Variants in SNX4 observed in about 807,000 individuals in gnomAD.
SNX4 encodes the protein sorting nexin-4.
In SNX4, 49 loss-of-function variants were observed where a neutral mutation model predicts 70.8. The ratio of observed to expected loss-of-function variants is 0.69; its 90% CI spans 0.55 to 0.88. The LOEUF (loss-of-function observed/expected upper bound fraction) is 0.88, where lower values mean the gene tolerates loss of function less well. Ranked by LOEUF, SNX4 falls within the 40% of genes least tolerant of loss-of-function variation. The pLI is 0.00. For missense variants in SNX4, 528 were observed against 544.8 expected (o/e 0.97, Z 0.31); for synonymous variants, 206 against 183.8 (o/e 1.12, Z -0.98).
intron 9 of SNX4, 103 bp from the exon 10 acceptor site, chr3:125,460,963 C>T (rs1020975378): frequency 3.4e-5 from 16 of 466,226 alleles, no homozygotes; most frequent in Non-Finnish European, 5.6e-5. Context: ...CAGTGGCTCA[C>T]ACCTGTAATC....
At chr3:125,461,251 C>CA (rs1329306508) in intron 9 of SNX4, among the ~76,000 whole-genome samples, 4 of 151,978 alleles carry the variant, frequency 2.6e-5, no homozygotes, top group Non-Finnish European at 5.9e-5. Context: ...AACAAACAAA[C>CA]AAAAAACAGC....
intron 6 of SNX4, among the ~76,000 whole-genome samples, chr3:125,484,132 G>A (rs1052067054): frequency 2.6e-5 from 4 of 152,208 alleles, no homozygotes; most frequent in Admixed American, 2.6e-4. Flanking sequence ...TGCAGACTCT[G>A]ATAAGACTCT....
At chr3:125,507,191 G>GAAAAAAAAAAAAAAAAAAA (rs753584700) in intron 1 of SNX4, among the ~76,000 whole-genome samples, 3 of 90,802 alleles carry the variant, frequency 3.3e-5, no homozygotes, top group Admixed American at 1.2e-4. Flanking sequence ...CTGGGTGATA[G>GAAAAAAAAAAAAAAAAAAA]AAAAAAAAAA....
chr3:125,461,421 T>C (rs1450414534), intron 9 of SNX4, among the ~76,000 whole-genome samples: 2 of 152,072 alleles, frequency 1.3e-5, no homozygotes, highest in African/African-American at 4.8e-5. Context: ...GACTTAGAAA[T>C]AAACAAACAA....
intron 6 of SNX4, among the ~76,000 whole-genome samples, chr3:125,480,860 T>A (rs72977749): frequency 6.6e-6 from 1 of 152,088 alleles, no homozygotes; most frequent in Non-Finnish European, 1.5e-5. Context: ...CTTCCCCATA[T>A]CTACATCATT....
chr3:125,514,319 T>C (rs2107574613), intron 1 of SNX4, among the ~76,000 whole-genome samples: 1 of 152,248 alleles, frequency 6.6e-6, no homozygotes, highest in South Asian at 2.1e-4. Flanking sequence ...TATGTTAAGT[T>C]TGAACAGTGT....
At position 125,449,429 on chromosome 3, in the gene SNX4, A is replaced by G. The variant is rs563146438; in HGVS notation, c.1306-1603T>C. ...GTGAGACTCTGTCTCAAAAAAAAAA[A>G]AAAGAAAGAAAGAAAGAAAGAAGGT... On this transcript the variant is annotated intron_variant, in intron 13 of 13. Coordinates refer to ENST00000251775, the MANE Select transcript of SNX4 (RefSeq NM_003794.4). 3.8e-4 allele frequency among the ~76,000 whole-genome samples: 57 copies of G among 151,740 alleles called. 1 individual carries two copies. Among genetic ancestry groups the G allele is most frequent in the Admixed American group, 2.1e-3 (32 of 15,212 alleles).
rs369163504 is a variant in SNX4, at chr3:125,469,442, C to G, written c.854+12G>C. 8.7e-6 allele frequency: 14 copies of G among 1,601,806 alleles called. No individual in the cohort carries two copies. The highest frequency in any genetic ancestry group is 1.3e-5 in the African/African-American group (1 of 74,652). On this transcript the variant is annotated intron_variant, in intron 9 of 13. Transcript: ENST00000251775. The stretch of plus-strand genomic sequence containing the variant: ...TCACCTCAGGCTTCACAAAAGTTCT[C>G]GAGGTACTTACACATCCATATGATG...
At chr3:125,472,577 T>C (rs1234552711) in intron 8 of SNX4, among the ~76,000 whole-genome samples, 2 of 152,214 alleles carry the variant, frequency 1.3e-5, no homozygotes, top group African/African-American at 4.8e-5. Context: ...TTTGCATGAA[T>C]TGATAAAACT....
At chr3:125,478,047 CCTTCTT>C (rs74478568) in intron 7 of SNX4, among the ~76,000 whole-genome samples, 1 of 147,634 alleles carries the variant, frequency 6.8e-6, no homozygotes, top group Non-Finnish European at 1.5e-5. Context: ...TCCTCCTCCT[CCTTCTT>C]CTTCTTCTTA....
intron 7 of SNX4, among the ~76,000 whole-genome samples, chr3:125,477,448 G>T (rs941473441): frequency 2.0e-5 from 3 of 152,090 alleles, no homozygotes; most frequent in East Asian, 3.9e-4. Flanking sequence ...CCTCAATATG[G>T]TAATTAATTT....
chr3:125,479,252 T>C (rs1191718103), intron 7 of SNX4, among the ~76,000 whole-genome samples: 2 of 152,072 alleles, frequency 1.3e-5, no homozygotes, highest in Non-Finnish European at 2.9e-5. Context: ...AGGCAATATA[T>C]TTCATTTCAA....
Position 125,451,933 on chromosome 3 carries a change from C to G in SNX4, c.1191-514G>C, listed in dbSNP as rs1459863080. On this transcript the variant is annotated intron_variant, in intron 12 of 13. Coordinates refer to ENST00000251775, the MANE Select transcript of SNX4 (RefSeq NM_003794.4). Reference sequence around the variant, plus strand: ...GAGCCGCTGCACCTGGCCTAATAATCTAAGTTTTTGCCACAAGGATTCTAC... The same window carrying G: ...GAGCCGCTGCACCTGGCCTAATAATGTAAGTTTTTGCCACAAGGATTCTAC... Among the ~76,000 whole-genome samples, 4 of 152,090 alleles carry G rather than the reference C, an allele frequency of 2.6e-5. No homozygotes were observed. In the South Asian group the frequency reaches 6.2e-4, roughly 24 times the overall value.
chr3:125,515,085 T>C (rs958368893), intron 1 of SNX4, among the ~76,000 whole-genome samples: 28 of 152,198 alleles, frequency 1.8e-4, no homozygotes, highest in African/African-American at 6.8e-4. Context: ...CTGATTATGA[T>C]GTAAAAGTGT....
chr3:125,448,237 A>T (rs1239049972), intron 13 of SNX4, among the ~76,000 whole-genome samples: 1 of 149,362 alleles, frequency 6.7e-6, no homozygotes, highest in Non-Finnish European at 1.5e-5. Flanking sequence ...GGATCCTCCC[A>T]CCTCAGCCTG....
intron 6 of SNX4, among the ~76,000 whole-genome samples, chr3:125,488,516 C>T (rs1308227552): frequency 1.3e-5 from 2 of 152,074 alleles, no homozygotes; most frequent in Non-Finnish European, 2.9e-5. Context: ...AAGTTACCAT[C>T]ACAACCTCCT....
At chr3:125,454,564 C>G (rs1369710193) in intron 11 of SNX4, among the ~76,000 whole-genome samples, 2 of 152,150 alleles carry the variant, frequency 1.3e-5, no homozygotes, top group Non-Finnish European at 2.9e-5. Context: ...AGGATATGCA[C>G]AGGTTACATG....
At chr3:125,449,082 T>C (rs1037850396) in intron 13 of SNX4, 5 of 152,146 alleles carry the variant, frequency 3.3e-5, no homozygotes, top group Non-Finnish European at 5.9e-5. Context: ...AAGTGTGTCA[T>C]TTATTAAGGT....
chr3:125,463,636 AT>A (rs1391107537), intron 9 of SNX4, among the ~76,000 whole-genome samples: 4 of 152,110 alleles, frequency 2.6e-5, no homozygotes, highest in South Asian at 2.1e-4. Context: ...AGATAAACAC[AT>A]TTTTTCTTTT....
Sources: gnomAD v4.1 joint callset for allele counts (sites outside exome capture counted in the v4.1 genomes callset) on GRCh38, gnomAD v4.1.1 for gene constraint, MANE v1.5 for transcripts, NCBI Gene and HGNC (gene_info 2026-07-23, HGNC 2026-07-21) for gene names.